PLBD1: variants seen among roughly 807,000 people sequenced by gnomAD.
PLBD1 encodes the protein lysosomal leucine aminopeptidase.
Under a neutral mutation model 63.0 loss-of-function variants are expected in PLBD1, and 60 were observed. That is an observed-to-expected ratio of 0.95 (90% CI 0.77 to 1.18). PLBD1 has a LOEUF of 1.18. Ranked by LOEUF, PLBD1 falls within the 50% of genes most tolerant of loss-of-function variation. PLBD1 has a pLI of 0.00. For synonymous variants in PLBD1, 262 were observed against 248.0 expected (o/e 1.06, Z -0.53); for missense variants, 598 against 677.9 (o/e 0.88, Z 1.31).
chr12:14,518,769 C>G (rs1945353787), intron 6 of PLBD1, among the ~76,000 whole-genome samples: 1 of 152,130 alleles, frequency 6.6e-6, no homozygotes. Context: ...TCCTGGGACA[C>G]AGACATGAAT....
chr12:14,555,071 T>C (rs954163889), intron 1 of PLBD1, among the ~76,000 whole-genome samples: 2 of 152,216 alleles, frequency 1.3e-5, no homozygotes, highest in African/African-American at 2.4e-5. Context: ...TTTATCCCTA[T>C]ATTTTTATGC....
chr12:14,508,878 C>G (rs1344269454), intron 8 of PLBD1, among the ~76,000 whole-genome samples: 2 of 152,132 alleles, frequency 1.3e-5, no homozygotes, highest in Non-Finnish European at 2.9e-5. Context: ...TCAGAGAGGT[C>G]AATTGTCTTC....
At chr12:14,514,752 T>G (rs911702190) in intron 6 of PLBD1, among the ~76,000 whole-genome samples, 28 of 152,028 alleles carry the variant, frequency 1.8e-4, no homozygotes, top group South Asian at 2.1e-4. Context: ...ATTTTTTTTT[T>G]TTTTGAGACA....
intron 1 of PLBD1, among the ~76,000 whole-genome samples, chr12:14,562,586 A>C (rs1465957926): frequency 6.6e-6 from 1 of 152,100 alleles, no homozygotes; most frequent in Non-Finnish European, 1.5e-5. Flanking sequence ...TACCACATTA[A>C]TTCCTGTTTT....
chr12:14,504,034 C>T, intron 10 of PLBD1, 80 bp from the exon 11 acceptor site: 1 of 1,334,178 alleles, frequency 7.5e-7, no homozygotes, highest in Non-Finnish European at 1.0e-6. Context: ...CCCACTCTCC[C>T]ACTACCAAAG....
At chr12:14,513,282 C>T (rs1195410432) in intron 6 of PLBD1, among the ~76,000 whole-genome samples, 2 of 152,146 alleles carry the variant, frequency 1.3e-5, no homozygotes, top group Non-Finnish European at 2.9e-5. Flanking sequence ...AACATATGCA[C>T]TACTTAATAT....
chr12:14,563,003 T>A (rs1035481999), intron 1 of PLBD1, among the ~76,000 whole-genome samples: 7 of 152,160 alleles, frequency 4.6e-5, no homozygotes, highest in East Asian at 1.9e-4. Context: ...CACCATGAAT[T>A]TTTTTTAAAA....
intron 1 of PLBD1, among the ~76,000 whole-genome samples, chr12:14,565,375 A>G (rs1223862710): frequency 6.6e-6 from 1 of 151,996 alleles, no homozygotes; most frequent in Non-Finnish European, 1.5e-5. Flanking sequence ...CTGAGTCAGG[A>G]GAATTGCTTG....
intron 6 of PLBD1, among the ~76,000 whole-genome samples, chr12:14,527,547 A>G (rs1411771228): frequency 6.6e-6 from 1 of 152,212 alleles, no homozygotes; most frequent in Non-Finnish European, 1.5e-5. Context: ...AAGGTGAAAA[A>G]AAACAAAAAC....
At chr12:14,564,539 C>T (rs1376036564) in intron 1 of PLBD1, among the ~76,000 whole-genome samples, 4 of 152,200 alleles carry the variant, frequency 2.6e-5, no homozygotes, top group Admixed American at 2.0e-4. Flanking sequence ...GTTATCTACC[C>T]CCATGTGGTT....
At chr12:14,548,286 G>A (rs1481543434) in intron 2 of PLBD1, among the ~76,000 whole-genome samples, 3 of 151,576 alleles carry the variant, frequency 2.0e-5, no homozygotes, top group African/African-American at 4.8e-5. Flanking sequence ...GTGAAACCCT[G>A]TCTCTACTAA....
At position 14,511,551 on chromosome 12, in the gene PLBD1, A is replaced by G. The variant is rs187685412; in HGVS notation, c.1005T>C (p.Ser335=). The G allele has an allele frequency of 4.4e-5, 71 of 1,614,206 alleles. 1 individual carries two copies. The Admixed American group carries it at 1.1e-3, about 26-fold the overall frequency. The change falls in exon 7 of 11, where the codon AGT becomes AGC. Residue 335 remains serine (S), a synonymous_variant. Coordinates refer to ENST00000240617, the MANE Select transcript of PLBD1 (RefSeq NM_024829.6). ...RVRVANMMAD[S]GKRWADIFSK... Reference sequence around the variant, plus strand: ...AAAAGATGTCTGCCCACCTCTTGCCACTATCTGCCATCATATTGGCCACAC... The same window carrying G: ...AAAAGATGTCTGCCCACCTCTTGCCGCTATCTGCCATCATATTGGCCACAC...
chr12:14,519,591 C>A (rs1273489985), intron 6 of PLBD1, among the ~76,000 whole-genome samples: 1 of 149,608 alleles, frequency 6.7e-6, no homozygotes, highest in Non-Finnish European at 1.5e-5. Context: ...TGCACTCCAG[C>A]CTGGATGACA....
chr12:14,544,835 C>G (rs1945604843), intron 2 of PLBD1, among the ~76,000 whole-genome samples: 1 of 152,136 alleles, frequency 6.6e-6, no homozygotes, highest in South Asian at 2.1e-4. Flanking sequence ...AATAAATTCT[C>G]CAAGTTTTCT....
Position 14,536,700 on chromosome 12 carries a change from A to T in PLBD1, c.569T>A (p.Leu190Gln), listed in dbSNP as rs757514399. 2 of 1,614,102 alleles carry T rather than the reference A, an allele frequency of 1.2e-6. No homozygotes were observed. Among genetic ancestry groups the T allele is most frequent in the South Asian group, 2.2e-5 (2 of 91,068 alleles). ...AILEGTKPMT[L>Q]FQIQFLNSVG... ...ACTATTCAGGAACTGAATCTGGAAC[A>T]GGGTCATTGGCTAGGAAAGGACAAA... The change falls in exon 5 of 11, where the codon CTG (leucine) becomes CAG (glutamine). Residue 190 changes from leucine (L) to glutamine (Q), a missense_variant. Transcript: ENST00000240617.
chr12:14,563,318 G>A lies in PLBD1; in HGVS notation c.115+4264C>T, dbSNP rs145840354. Reference sequence around the variant, plus strand: ...GCGATGCACTTGAGGCCAGGAGTTTGAGACCAACCTGGGCAAAATGGTGAA... The same window carrying A: ...GCGATGCACTTGAGGCCAGGAGTTTAAGACCAACCTGGGCAAAATGGTGAA... On this transcript the variant is annotated intron_variant, in intron 1 of 10. Transcript: ENST00000240617. Among the ~76,000 whole-genome samples, 6 of 152,178 alleles carry A rather than the reference G, an allele frequency of 3.9e-5. No individual in the cohort carries two copies. In the East Asian group the frequency reaches 1.2e-3, roughly 29 times the overall value.
chr12:14,526,840 C>T (rs1455577734), intron 6 of PLBD1, among the ~76,000 whole-genome samples: 12 of 152,072 alleles, frequency 7.9e-5, no homozygotes, highest in South Asian at 4.1e-4. Flanking sequence ...GGCGTGGTGG[C>T]GCATGCCTGT....
In PLBD1 at chr12:14,567,639, GC is replaced by G. The variant is rs1404076647; in HGVS notation, c.57del (p.Leu20CysfsTer10). On this transcript the variant is annotated frameshift_variant, in exon 1 of 11. Transcript: ENST00000240617. LOFTEE classifies it high-confidence loss of function. The part of the protein sequence containing the change: ...RPGLPQPPPL[L>X]LLLLLLPLLL... The stretch of plus-strand genomic sequence containing the variant: ...AACAGCGGCAGCAGCAGCAGCAGCA[GC>G]AGAAGCGGTGGCGGCTGTGGCAGCC... 6.7e-6 allele frequency: 10 copies of G among 1,498,590 alleles called. No homozygotes were observed. The highest frequency in any genetic ancestry group is 2.0e-4 in the Middle Eastern group (1 of 4,932). 92.8% of individuals were successfully genotyped at this position (1,498,590 alleles called of 1,614,324 possible).
chr12:14,510,976 T>C (rs1465869013), intron 8 of PLBD1, among the ~76,000 whole-genome samples: 1 of 152,218 alleles, frequency 6.6e-6, no homozygotes, highest in African/African-American at 2.4e-5. Context: ...AACTTAAAGC[T>C]TTAACCAGGA....
Sources: gnomAD v4.1 joint callset for allele counts (sites outside exome capture counted in the v4.1 genomes callset) on GRCh38, gnomAD v4.1.1 for gene constraint, MANE v1.5 for transcripts, NCBI Gene and HGNC (gene_info 2026-07-23, HGNC 2026-07-21) for gene names.